RCSD1: variants seen among roughly 807,000 people sequenced by gnomAD.
RCSD1 encodes the protein capZ-interacting protein.
Under a neutral mutation model 42.5 loss-of-function variants are expected in RCSD1, and 26 were observed. That is an observed-to-expected ratio of 0.61 (90% confidence interval 0.45 to 0.85). The LOEUF (loss-of-function observed/expected upper bound fraction) is 0.85. Among genes scored for constraint, RCSD1 ranks in the 40% least tolerant of loss-of-function variants. The pLI is 0.00. For synonymous variants in RCSD1, 220 were observed against 212.2 expected, an observed-to-expected ratio of 1.04 and a Z score of -0.32; for missense variants, 571 against 528.3, an observed-to-expected ratio of 1.08 and a Z score of -0.79.
intron 1 of RCSD1, among the ~76,000 whole-genome samples, chr1:167,662,401 CTCTCTCTT>C (rs1185018482): frequency 2.0e-5 from 3 of 152,114 alleles, no homozygotes; most frequent in African/African-American, 4.8e-5. Flanking sequence ...ATCTTGCTGT[CTCTCTCTT>C]TCTCTCTTTC....
chr1:167,676,763 C>A (rs1395498364), intron 1 of RCSD1, among the ~76,000 whole-genome samples: 2 of 152,198 alleles, frequency 1.3e-5, no homozygotes, highest in Non-Finnish European at 2.9e-5. Context: ...GAGGACCCTC[C>A]CAGGCACCAG....
In RCSD1 at chr1:167,688,084, C is replaced by A. The variant is rs368707527; in HGVS notation, c.199-1965C>A. ...GCTTGCCTGAAGCCCCTTGTTAAAC[C>A]GTAAGGGAAATGATGCCACCTGCTG... is the stretch of plus-strand genomic sequence containing the variant. On this transcript the variant is annotated intron_variant, in intron 3 of 6. Coordinates refer to ENST00000367854, the MANE Select transcript of RCSD1 (RefSeq NM_052862.4). Among the ~76,000 whole-genome samples, 3 of 152,190 alleles carry A rather than the reference C, an allele frequency of 2.0e-5. No homozygotes were observed. In the East Asian group the frequency reaches 5.8e-4, roughly 29 times the overall value.
At chr1:167,695,391 C>A (rs1050426184) in intron 5 of RCSD1, among the ~76,000 whole-genome samples, 2 of 152,164 alleles carry the variant, frequency 1.3e-5, no homozygotes, top group Non-Finnish European at 2.9e-5. Flanking sequence ...CAGAGCTGGC[C>A]CAATCATGGT....
chr1:167,690,737 T>C (rs1363836733), intron 4 of RCSD1, among the ~76,000 whole-genome samples: 5 of 148,658 alleles, frequency 3.4e-5, no homozygotes, highest in African/African-American at 1.3e-4. Context: ...ATAAACACTT[T>C]GAAATAGCCA....
At chr1:167,666,592 C>A (rs74680680) in intron 1 of RCSD1, among the ~76,000 whole-genome samples, 5 of 152,138 alleles carry the variant, frequency 3.3e-5, no homozygotes, top group Admixed American at 2.6e-4. Flanking sequence ...TGACGGAAAG[C>A]CCTGGAATGC....
In RCSD1 at chr1:167,685,395, GTGTCTGTC is replaced by G. The variant is rs1659202233; in HGVS notation, c.109-21_109-14del. On this transcript the variant is annotated intron_variant, in intron 2 of 6. Transcript: ENST00000367854. Reference sequence around the variant, plus strand: ...TGATCAGTGCTCTCTTTTTCTCTGTGTGTCTGTCTGTCGCCCTCCCTCCAGACACCAGC... The same window carrying G: ...TGATCAGTGCTCTCTTTTTCTCTGTGTGTCGCCCTCCCTCCAGACACCAGC... 6.3e-7 allele frequency: 1 copy of G among 1,592,396 alleles called. No individual in the cohort carries two copies. Among genetic ancestry groups the G allele is most frequent in the Non-Finnish European group, 8.6e-7 (1 of 1,162,336 alleles).
intron 1 of RCSD1, among the ~76,000 whole-genome samples, chr1:167,637,955 C>T (rs1215664912): frequency 2.0e-5 from 3 of 152,228 alleles, no homozygotes; most frequent in African/African-American, 2.4e-5. Context: ...TAAGCAGTGC[C>T]GCTGGGCCTT....
chr1:167,700,157 C>CA (rs1421385344), intron 6 of RCSD1, among the ~76,000 whole-genome samples: 1 of 152,100 alleles, frequency 6.6e-6, no homozygotes. Context: ...TTGTCTGACC[C>CA]AAAAGAAATA....
intron 1 of RCSD1, among the ~76,000 whole-genome samples, chr1:167,677,261 G>A (rs1211564397): frequency 1.3e-5 from 2 of 152,176 alleles, no homozygotes; most frequent in African/African-American, 2.4e-5. Context: ...GTCTACAGAT[G>A]CTCAGGAAGG....
intron 1 of RCSD1, among the ~76,000 whole-genome samples, chr1:167,663,156 T>G (rs1321965498): frequency 6.6e-6 from 1 of 152,198 alleles, no homozygotes; most frequent in Admixed American, 6.5e-5. Context: ...GGACAGGGCT[T>G]GTCTGCTCAG....
At position 167,689,159 on chromosome 1, in the gene RCSD1, C is replaced by T. The variant is rs140860677; in HGVS notation, c.199-890C>T. Among the ~76,000 whole-genome samples, 102 of 152,010 alleles carry T rather than the reference C, an allele frequency of 6.7e-4. 1 individual carries two copies. The Middle Eastern group carries it at 0.031, about 46-fold the overall frequency. ...TGTATGACCCACACAATGTCTGGGA[C>T]GTAGTAAATACTCAGTAAATGTTTA... is the stretch of plus-strand genomic sequence containing the variant. On this transcript the variant is annotated intron_variant, in intron 3 of 6. Transcript: ENST00000367854.
rs558746686 is a variant in RCSD1 at position 167,707,641 on chromosome 1, G to A, written c.*2945G>A. On this transcript the variant is annotated 3_prime_UTR_variant, in exon 7 of 7. Transcript: ENST00000367854. ...AGTTTTCCTTAATAGTTGCAGCCAA[G>A]GCTGTCTCTTTTTTCTCTTCTTTTC... 6.6e-6 allele frequency among the ~76,000 whole-genome samples: 1 copy of A among 150,952 alleles called. No individual in the cohort carries two copies. Among genetic ancestry groups the A allele is most frequent in the Admixed American group, 6.6e-5 (1 of 15,134 alleles).
chr1:167,631,456 C>T (rs1657694619), intron 1 of RCSD1, among the ~76,000 whole-genome samples: 1 of 152,238 alleles, frequency 6.6e-6, no homozygotes, highest in Non-Finnish European at 1.5e-5. Context: ...CTTCCCCGCT[C>T]CAGGCTCTGT....
At chr1:167,676,201 A>G (rs1338406993) in intron 1 of RCSD1, among the ~76,000 whole-genome samples, 1 of 152,248 alleles carries the variant, frequency 6.6e-6, no homozygotes, top group Non-Finnish European at 1.5e-5. Context: ...TAGTAAATGT[A>G]GAGCTGGGAT....
intron 1 of RCSD1, among the ~76,000 whole-genome samples, chr1:167,683,264 C>G (rs1279370159): frequency 2.0e-5 from 3 of 152,200 alleles, no homozygotes; most frequent in Non-Finnish European, 2.9e-5. Flanking sequence ...ATCCACAAAA[C>G]AACTGATGAG....
intron 1 of RCSD1, among the ~76,000 whole-genome samples, chr1:167,646,796 G>C (rs564016798): frequency 6.6e-6 from 1 of 152,160 alleles, no homozygotes; most frequent in African/African-American, 2.4e-5. Flanking sequence ...CGGAACTTCT[G>C]GGGCATCGCC....
chr1:167,688,071 C>T (rs1659281110), intron 3 of RCSD1, among the ~76,000 whole-genome samples: 1 of 152,194 alleles, frequency 6.6e-6, no homozygotes, highest in African/African-American at 2.4e-5. Flanking sequence ...TTGCCTGAAG[C>T]CCCTTGTTAA....
chr1:167,674,324 C>T (rs779974243), intron 1 of RCSD1, among the ~76,000 whole-genome samples: 11 of 152,192 alleles, frequency 7.2e-5, no homozygotes, highest in Admixed American at 6.5e-5. Flanking sequence ...CAGGGAAGGG[C>T]TGAGCCTGTG....
chr1:167,666,175 G>T (rs1658652252), intron 1 of RCSD1, among the ~76,000 whole-genome samples: 1 of 152,170 alleles, frequency 6.6e-6, no homozygotes, highest in Non-Finnish European at 1.5e-5. Flanking sequence ...AGGCAGTGTG[G>T]AGTTGTGGTT....
Sources: allele counts gnomAD v4.1 joint callset (sites outside exome capture counted in the v4.1 genomes callset), GRCh38; gene constraint gnomAD v4.1.1; transcripts MANE v1.5; gene names NCBI Gene and HGNC (gene_info 2026-07-23, HGNC 2026-07-21).